LPP: variants seen among roughly 807,000 people sequenced by gnomAD.
LPP encodes the protein LIM domain containing preferred translocation partner in lipoma.
Under a neutral mutation model 60.4 loss-of-function variants are expected in LPP, and 38 were observed. That is an observed-to-expected ratio of 0.63 (90% CI 0.49 to 0.83). The LOEUF is 0.83. Ranked by LOEUF, LPP falls within the 40% of genes least tolerant of loss-of-function variation. The pLI, the probability that LPP is intolerant of heterozygous loss-of-function variation, is 0.00. For missense variants in LPP, 902 were observed against 783.6 expected (o/e 1.15, Z -1.80); for synonymous variants, 328 against 290.8 (o/e 1.13, Z -1.30).
At chr3:188,848,833 G>A (rs62289867) in intron 9 of LPP, among the ~76,000 whole-genome samples, 18,091 of 151,988 alleles carry the variant, frequency 0.12, 1,542 homozygotes, top group Non-Finnish European at 0.18. Context: ...GGGCATGGTG[G>A]TGCACACCTG....
chr3:188,732,406 C>G (rs1226731675), intron 8 of LPP, among the ~76,000 whole-genome samples: 1 of 152,214 alleles, frequency 6.6e-6, no homozygotes, highest in Non-Finnish European at 1.5e-5. Flanking sequence ...CCACTGTGCA[C>G]TGTACATTGC....
chr3:188,753,726 C>T (rs1728963478), intron 8 of LPP, among the ~76,000 whole-genome samples: 2 of 151,928 alleles, frequency 1.3e-5, no homozygotes, highest in South Asian at 2.1e-4. Context: ...TACCACTCAT[C>T]CTAGTGGCAG....
At chr3:188,498,161 TCC>T (rs1000689242) in intron 5 of LPP, among the ~76,000 whole-genome samples, 3 of 152,024 alleles carry the variant, frequency 2.0e-5, no homozygotes, top group Non-Finnish European at 4.4e-5. Flanking sequence ...TTCTTTTTTT[TCC>T]CCCCCAGCTT....
chr3:188,291,403 G>T (rs1461461461), intron 2 of LPP, among the ~76,000 whole-genome samples: 1 of 152,116 alleles, frequency 6.6e-6, no homozygotes, highest in Non-Finnish European at 1.5e-5. Context: ...ACTTTGGCAG[G>T]CCCAGGCGGG....
intron 3 of LPP, among the ~76,000 whole-genome samples, chr3:188,376,205 T>C (rs1362258869): frequency 6.6e-6 from 1 of 152,042 alleles, no homozygotes; most frequent in African/African-American, 2.4e-5. Context: ...GAGAGTTCTG[T>C]AGATGTCTAT....
At chr3:188,709,926 C>G (rs1311933390) in intron 8 of LPP, 1 of 152,116 alleles carries the variant, frequency 6.6e-6, no homozygotes, top group Non-Finnish European at 1.5e-5. Flanking sequence ...AATTTTTATA[C>G]TAGTTTCTAA....
At chr3:188,671,702 T>C (rs1856991961) in intron 7 of LPP, among the ~76,000 whole-genome samples, 1 of 152,200 alleles carries the variant, frequency 6.6e-6, no homozygotes, top group Non-Finnish European at 1.5e-5. Context: ...TATTTGCATT[T>C]TGAGATGTAA....
intron 6 of LPP, among the ~76,000 whole-genome samples, chr3:188,525,014 C>T (rs1408689031): frequency 1.9e-4 from 28 of 149,268 alleles, no homozygotes; most frequent in African/African-American, 5.9e-4. Flanking sequence ...TTGCCCAGGC[C>T]GGAGTGCAAT....
rs1219146230 is a variant in LPP at position 188,217,874 on chromosome 3, CT to C, written c.-189-7530del. ...TGGCTTCCTGCCTTTGGCTTCCCAG[CT>C]GAGAGCTGTTGGAACGCCCCAAAAT... On this transcript the variant is annotated intron_variant, in intron 1 of 11. Coordinates refer to ENST00000617246, the MANE Select transcript of LPP (RefSeq NM_001375462.1). This position sits in a 1 kb window ranked among gnomAD's most constrained non-coding sequence, Gnocchi z 4.0. Among the ~76,000 whole-genome samples, 8 of 152,228 alleles carry C rather than the reference CT, an allele frequency of 5.3e-5. No homozygotes were observed. The highest frequency in any genetic ancestry group is 1.9e-4 in the African/African-American group (8 of 41,456).
At chr3:188,203,370 ATATATATTAATATT>A (rs1475415575) in intron 1 of LPP, among the ~76,000 whole-genome samples, 2 of 101,596 alleles carry the variant, frequency 2.0e-5, no homozygotes, top group South Asian at 3.0e-4. Context: ...ATTTATATAA[ATATATATTAATATT>A]TATATATTAA....
At chr3:188,475,215 T>C (rs1033105815) in intron 4 of LPP, among the ~76,000 whole-genome samples, 2 of 152,218 alleles carry the variant, frequency 1.3e-5, no homozygotes, top group African/African-American at 4.8e-5. Context: ...AACTGTCCAA[T>C]TTAAAATCAG....
chr3:188,801,150 C>T (rs1747141586), intron 9 of LPP, among the ~76,000 whole-genome samples: 1 of 152,064 alleles, frequency 6.6e-6, no homozygotes, highest in African/African-American at 2.4e-5. Flanking sequence ...CGGGGCTAAA[C>T]GTCTAAAAAA....
At chr3:188,194,969 A>T (rs1311985775) in intron 1 of LPP, among the ~76,000 whole-genome samples, 2 of 152,208 alleles carry the variant, frequency 1.3e-5, no homozygotes, top group African/African-American at 2.4e-5. Flanking sequence ...TAAGAAAGTT[A>T]GAGCCTGGGC....
intron 6 of LPP, among the ~76,000 whole-genome samples, chr3:188,607,418 A>ATATATTTT (rs1842732460): frequency 2.6e-5 from 1 of 38,498 alleles, no homozygotes; most frequent in African/African-American, 6.9e-5. Flanking sequence ...TATATATATA[A>ATATATTTT]TTTTTTTTTC....
intron 6 of LPP, among the ~76,000 whole-genome samples, chr3:188,536,002 A>ATTTTTTTT (rs11293389): frequency 9.0e-5 from 11 of 121,758 alleles, no homozygotes; most frequent in Middle Eastern, 4.9e-3. Flanking sequence ...TATTACATGA[A>ATTTTTTTT]TTTTTTTTTT....
At chr3:188,434,064 G>A (rs370565831) in intron 4 of LPP, among the ~76,000 whole-genome samples, 9 of 152,230 alleles carry the variant, frequency 5.9e-5, no homozygotes, top group Middle Eastern at 3.4e-3. Flanking sequence ...ATAGGAAGAC[G>A]AAGTCTACAG....
intron 9 of LPP, among the ~76,000 whole-genome samples, chr3:188,798,626 T>C (rs1311881586): frequency 6.6e-6 from 1 of 152,220 alleles, no homozygotes; most frequent in Non-Finnish European, 1.5e-5. Context: ...TCGTATGGGG[T>C]ACAATGGCTT....
chr3:188,418,639 G>A lies in LPP; in HGVS notation c.193+12326G>A, dbSNP rs115168950. Among the ~76,000 whole-genome samples, 675 of 152,204 alleles carry A rather than the reference G, an allele frequency of 4.4e-3. 8 individuals are homozygous for A. The highest frequency in any genetic ancestry group is 0.016 in the African/African-American group (647 of 41,548). On this transcript the variant is annotated intron_variant, in intron 4 of 11. Coordinates refer to ENST00000617246, the MANE Select transcript of LPP (RefSeq NM_001375462.1). ...TTCCCGAATTATTACTATCCAGAGCGATTTGAAGGTTAAGGTCATCCAAAT... is the reference window on the plus strand; with the variant it reads ...TTCCCGAATTATTACTATCCAGAGCAATTTGAAGGTTAAGGTCATCCAAAT...
chr3:188,430,219 T>C (rs1272393334), intron 4 of LPP, among the ~76,000 whole-genome samples: 1 of 152,076 alleles, frequency 6.6e-6, no homozygotes, highest in East Asian at 1.9e-4. Context: ...AGGAAATAAG[T>C]TGGAAAAACT....
Sources: allele counts gnomAD v4.1 joint callset (sites outside exome capture counted in the v4.1 genomes callset), GRCh38; gene constraint gnomAD v4.1.1; non-coding constraint Gnocchi (gnomAD v3.1); transcripts MANE v1.5; gene names NCBI Gene and HGNC (gene_info 2026-07-23, HGNC 2026-07-21).